XPO1: variants seen among roughly 807,000 people sequenced by gnomAD.
The protein encoded by XPO1 is exportin-1.
XPO1 carries 5 observed loss-of-function variants against 133.3 expected under a neutral mutation model. The observed-to-expected ratio is 0.04, with a 90% CI of 0.02 to 0.08. The LOEUF is 0.08. XPO1 is among the 10% of genes least tolerant of loss of function. The probability of loss-of-function intolerance (pLI) is 1.00; values close to 1 mark genes in which losing one functional copy is unlikely to be tolerated. For missense variants in XPO1, 506 were observed against 1,267.5 expected, an observed-to-expected ratio of 0.40 and a Z score of 9.12; for synonymous variants, 419 against 408.2, an observed-to-expected ratio of 1.03 and a Z score of -0.32.
chr2:61,494,102 G>A lies in XPO1; in HGVS notation c.1048-11C>T. 6.2e-7 allele frequency: 1 copy of A among 1,602,214 alleles called. No individual in the cohort carries two copies. The highest frequency in any genetic ancestry group is 1.3e-5 in the African/African-American group (1 of 74,298). On this transcript the variant is annotated splice_polypyrimidine_tract_variant and intron_variant, in intron 11 of 24. Transcript: ENST00000401558. Reference sequence around the variant, plus strand: ...CATATAATGAAGGGCCTACACAGAAGACCAAAACTGTTAAAATAATTCTTA... The same window carrying A: ...CATATAATGAAGGGCCTACACAGAAAACCAAAACTGTTAAAATAATTCTTA...
At chr2:61,527,189 G>T (rs1227132673) in intron 2 of XPO1, among the ~76,000 whole-genome samples, 1 of 151,914 alleles carries the variant, frequency 6.6e-6, no homozygotes, top group African/African-American at 2.4e-5. Flanking sequence ...TCTTATCTAG[G>T]CCAGTAGCAG....
chr2:61,496,397 G>A (rs1697244047), intron 10 of XPO1, among the ~76,000 whole-genome samples: 1 of 151,964 alleles, frequency 6.6e-6, no homozygotes, highest in Admixed American at 6.6e-5. Flanking sequence ...TCTTTCGTAG[G>A]TATGGTCTGG....
chr2:61,482,811 C>T (rs1373154475), intron 22 of XPO1, 146 bp downstream of exon 22: 6 of 949,918 alleles, frequency 6.3e-6, no homozygotes, highest in East Asian at 2.7e-5. Context: ...ATTTTTAGTA[C>T]AGACAGTTTC....
rs1286424091 is a variant in XPO1 at position 61,482,596 on chromosome 2, CGTTTTTTTTTGTTTT to C, written c.2813-72_2813-58del. 9.7e-6 allele frequency: 13 copies of C among 1,341,550 alleles called. No homozygotes were observed. The South Asian group carries it at 1.1e-4, about 11-fold the overall frequency. 83.1% of individuals were successfully genotyped at this position (1,341,550 alleles called of 1,614,324 possible). A position where few individuals can be genotyped will look rare whatever the true frequency, so the allele number is the denominator to read the frequency against. On this transcript the variant is annotated intron_variant, in intron 22 of 24. Transcript: ENST00000401558. Reference sequence around the variant, plus strand: ...AATGTAATATAACTATAGATCTTAGCGTTTTTTTTTGTTTTGTTTTTTTTTTTTAGACGGAGTCTC... The same window carrying C: ...AATGTAATATAACTATAGATCTTAGCGTTTTTTTTTTTTAGACGGAGTCTC...
intron 24 of XPO1, among the ~76,000 whole-genome samples, chr2:61,479,237 GGAA>G (rs558222559): frequency 6.6e-6 from 1 of 152,072 alleles, no homozygotes; most frequent in Non-Finnish European, 1.5e-5. Context: ...GGCAGAGACG[GGAA>G]GAATACTTGA....
chr2:61,512,809 G>C (rs1038182787), intron 4 of XPO1, among the ~76,000 whole-genome samples: 2 of 152,182 alleles, frequency 1.3e-5, no homozygotes, highest in African/African-American at 4.8e-5. Context: ...GGGAGGCTGA[G>C]ACTGGCGGAT....
intron 3 of XPO1, chr2:61,525,140 G>T: frequency 2.9e-6 from 1 of 350,168 alleles, no homozygotes; most frequent in Non-Finnish European, 4.0e-6. Flanking sequence ...TGATCCCTAT[G>T]GTAGAAATTT....
chr2:61,516,507 C>G (rs1019200542), intron 4 of XPO1, among the ~76,000 whole-genome samples: 1 of 151,784 alleles, frequency 6.6e-6, no homozygotes, highest in Non-Finnish European at 1.5e-5. Context: ...CTCTGCCTCC[C>G]GGGTTCAAGC....
Position 61,488,646 on chromosome 2 carries a change from A to G in XPO1, c.2148T>C (p.Asp716=). ...FVIQLGRIYL[D]MLNVYKCLSE... ...TGAGGCACTTGTATACATTAAGCAT[A>G]TCTAAATAAATTCTTCCAAGCTGAA... Residue 716 remains aspartate (D), a synonymous_variant, in exon 18 of 25, where the codon GAT becomes GAC. Coordinates refer to ENST00000401558, the MANE Select transcript of XPO1 (RefSeq NM_003400.4). The G allele has an allele frequency of 1.9e-6, 3 of 1,613,748 alleles. No individual in the cohort carries two copies. The highest frequency in any genetic ancestry group is 2.5e-6 in the Non-Finnish European group (3 of 1,179,738).
intron 2 of XPO1, among the ~76,000 whole-genome samples, chr2:61,532,665 T>G (rs1392472773): frequency 6.8e-6 from 1 of 147,632 alleles, no homozygotes; most frequent in Non-Finnish European, 1.5e-5. Context: ...ATGAAACCCA[T>G]CTCTACTAAA....
rs1185088590 is a variant in XPO1, at chr2:61,491,485, C to A, written c.1887+550G>T. ...ACACACACACACACACACACACACACACACACACACACCCCAAAACAAAAC... is the reference window on the plus strand; with the variant it reads ...ACACACACACACACACACACACACAAACACACACACACCCCAAAACAAAAC... On this transcript the variant is annotated intron_variant, in intron 16 of 24. Coordinates refer to ENST00000401558, the MANE Select transcript of XPO1 (RefSeq NM_003400.4). Among the ~76,000 whole-genome samples the A allele has an allele frequency of 2.6e-5, 4 of 151,394 alleles. No homozygotes were observed. In the East Asian group the frequency reaches 7.8e-4, roughly 29 times the overall value.
chr2:61,533,340 C>T (rs1699239939), intron 2 of XPO1, among the ~76,000 whole-genome samples: 1 of 152,216 alleles, frequency 6.6e-6, no homozygotes, highest in Non-Finnish European at 1.5e-5. Flanking sequence ...TAATTCCCTA[C>T]ATTAACAGTA....
At chr2:61,522,754 GGACA>G in intron 3 of XPO1, 71 bp from the exon 4 acceptor site, 3 of 1,089,038 alleles carry the variant, frequency 2.8e-6, no homozygotes, top group Middle Eastern at 2.2e-4. Context: ...ATTCACAAAT[GGACA>G]GACATTCACA....
At chr2:61,479,865 T>G (rs1050886280) in intron 24 of XPO1, among the ~76,000 whole-genome samples, 2 of 148,294 alleles carry the variant, frequency 1.3e-5, no homozygotes, top group East Asian at 4.1e-4. Context: ...ACCCAGACAC[T>G]TTTTTCTCTT....
chr2:61,505,777 C>G (rs764008368), intron 4 of XPO1, among the ~76,000 whole-genome samples: 1 of 152,248 alleles, frequency 6.6e-6, no homozygotes, highest in East Asian at 1.9e-4. Flanking sequence ...CAGGCCATCT[C>G]GAACTCCTGA....
In XPO1 at chr2:61,492,017, G is replaced by A. The variant is rs756918408; in HGVS notation, c.1887+18C>T. Reference sequence around the variant, plus strand: ...GTGTTACTTTCTAAAAATAACATATGCTCAGTGCTTAACATACCTGTTGAG... The same window carrying A: ...GTGTTACTTTCTAAAAATAACATATACTCAGTGCTTAACATACCTGTTGAG... On this transcript the variant is annotated intron_variant, in intron 16 of 24. Transcript: ENST00000401558. The surrounding 1 kb of genome is among the most constrained non-coding windows in gnomAD (Gnocchi z 5.6). The A allele has an allele frequency of 5.6e-6, 9 of 1,613,014 alleles. No homozygotes were observed. The African/African-American group carries it at 1.2e-4, about 22-fold the overall frequency.
intron 16 of XPO1, among the ~76,000 whole-genome samples, chr2:61,491,544 A>G (rs1219739147): frequency 1.3e-5 from 2 of 151,972 alleles, no homozygotes; most frequent in Non-Finnish European, 2.9e-5. Context: ...TTTGTTCGGA[A>G]TAATTTTACA....
Position 61,484,365 on chromosome 2 carries a change from T to C in XPO1, c.2509-260A>G, listed in dbSNP as rs983726523. 6 of 381,942 alleles carry C rather than the reference T, an allele frequency of 1.6e-5. 1 individual carries two copies. The highest frequency in any genetic ancestry group is 1.5e-4 in the South Asian group (4 of 26,682). The allele number at this position is 381,942 out of a possible 1,614,324, so 23.7% of individuals were successfully genotyped here. On this transcript the variant is annotated intron_variant, in intron 20 of 24. Transcript: ENST00000401558. The stretch of plus-strand genomic sequence containing the variant: ...AATAGAGAACTCATCTAAACCATTA[T>C]TACCATAAGACTACTACTATCACTT...
At chr2:61,499,030 G>T in intron 7 of XPO1, 117 bp from the exon 8 acceptor site, 3 of 1,206,670 alleles carry the variant, frequency 2.5e-6, no homozygotes, top group Non-Finnish European at 2.3e-6. Context: ...GCCTGTAATC[G>T]CAGAACTTTG....
Sources: gnomAD v4.1 joint callset for allele counts (sites outside exome capture counted in the v4.1 genomes callset) on GRCh38, gnomAD v4.1.1 for gene constraint, Gnocchi (gnomAD v3.1) non-coding constraint, MANE v1.5 for transcripts, NCBI Gene and HGNC (gene_info 2026-07-23, HGNC 2026-07-21) for gene names.